VWF: variants seen among roughly 807,000 people sequenced by gnomAD.
VWF encodes Factor VIII related antigen.
Under a neutral mutation model 308.6 loss-of-function variants are expected in VWF, and 176 were observed. That is an observed-to-expected ratio of 0.57 (90% confidence interval 0.50 to 0.65). VWF has a LOEUF of 0.65. VWF is among the 30% of genes least tolerant of loss of function. VWF has a pLI of 0.00. For missense variants in VWF, 3,146 were observed against 3,648.2 expected, an observed-to-expected ratio of 0.86 and a Z score of 3.55; for synonymous variants, 1,385 against 1,443.4, an observed-to-expected ratio of 0.96 and a Z score of 0.92.
At chr12:6,008,296 A>G (rs1158837242) in intron 34 of VWF, among the ~76,000 whole-genome samples, 2 of 152,210 alleles carry the variant, frequency 1.3e-5, no homozygotes, top group Non-Finnish European at 2.9e-5. Context: ...ACTGAATTAA[A>G]CAGCACAATC....
At chr12:6,056,715 G>T in intron 15 of VWF, 142 bp downstream of exon 15, 1 of 713,816 alleles carries the variant, frequency 1.4e-6, no homozygotes, top group Non-Finnish European at 2.0e-6. Context: ...GGGTGCAAAT[G>T]AACCGTCCTC....
intron 16 of VWF, among the ~76,000 whole-genome samples, chr12:6,049,136 C>T (rs142974199): frequency 4.6e-5 from 7 of 152,204 alleles, no homozygotes; most frequent in Non-Finnish European, 1.0e-4. Context: ...CACCTTTTCA[C>T]GACCACCACT....
rs1286252838 is a variant in VWF, at chr12:6,020,491, C to T, written c.3675-748G>A. On this transcript the variant is annotated intron_variant, in intron 27 of 51. Coordinates refer to ENST00000261405, the MANE Select transcript of VWF (RefSeq NM_000552.5). This position sits in a 1 kb window ranked among gnomAD's most constrained non-coding sequence, Gnocchi z 4.3. ...TCTGTGCCCAGCCCCAAGCACACAC[C>T]ACAAGTCTGTAGTAGAGCAGTGGCC... Among the ~76,000 whole-genome samples the T allele has an allele frequency of 2.6e-5, 4 of 152,186 alleles. No homozygotes were observed. Among genetic ancestry groups the T allele is most frequent in the Non-Finnish European group, 5.9e-5 (4 of 68,038 alleles).
In VWF at chr12:5,994,401, G is replaced by C; in HGVS notation, c.6256+14C>G. Reference sequence around the variant, plus strand: ...ATAGCAGGGGGAGAAGAGGAGTTGAGAAAATGTTCTTACCACACAGACCAT... The same window carrying C: ...ATAGCAGGGGGAGAAGAGGAGTTGACAAAATGTTCTTACCACACAGACCAT... On this transcript the variant is annotated intron_variant, in intron 36 of 51. Coordinates refer to ENST00000261405, the MANE Select transcript of VWF (RefSeq NM_000552.5). The C allele has an allele frequency of 6.2e-7, 1 of 1,614,060 alleles. No homozygotes were observed. Among genetic ancestry groups the C allele is most frequent in the Non-Finnish European group, 8.5e-7 (1 of 1,179,906 alleles).
rs1321831100 is a variant in VWF at position 6,103,409 on chromosome 12, T to C, written c.532+6965A>G. Among the ~76,000 whole-genome samples the C allele has an allele frequency of 2.0e-4, 21 of 107,504 alleles. 4 individuals are homozygous for C. The highest frequency in any genetic ancestry group is 1.2e-3 in the African/African-American group (14 of 11,648). 70.5% of individuals were successfully genotyped at this position (107,504 alleles called of 152,430 possible). A position where few individuals can be genotyped will look rare whatever the true frequency, so the allele number is the denominator to read the frequency against. ...ACGTGTGTGTATACACGTGTGTGTATACACACGTGTGTGTATACACACGTG... is the reference window on the plus strand; with the variant it reads ...ACGTGTGTGTATACACGTGTGTGTACACACACGTGTGTGTATACACACGTG... On this transcript the variant is annotated intron_variant, in intron 5 of 51. Transcript: ENST00000261405.
In VWF at chr12:5,952,098, G is replaced by A. The variant is rs568906096; in HGVS notation, c.8116-215C>T. On this transcript the variant is annotated intron_variant, in intron 49 of 51. Coordinates refer to ENST00000261405, the MANE Select transcript of VWF (RefSeq NM_000552.5). ...TGATTCTGAATTCTCTTCCAGTTGA[G>A]TCATCAGGATCTTCATTCCCAGGGA... Among the ~76,000 whole-genome samples the A allele has an allele frequency of 2.0e-5, 3 of 152,290 alleles. No homozygotes were observed. In the East Asian group the frequency reaches 5.8e-4, roughly 29 times the overall value.
At chr12:6,084,134 T>C (rs1701390273) in intron 6 of VWF, among the ~76,000 whole-genome samples, 1 of 152,218 alleles carries the variant, frequency 6.6e-6, no homozygotes, top group African/African-American at 2.4e-5. Flanking sequence ...CAGACAGCAG[T>C]ACTTGGACCT....
chr12:6,092,618 A>AGAGAGAGAGAGAGAGAGT (rs1301391895), intron 6 of VWF, among the ~76,000 whole-genome samples: 1 of 66,150 alleles, frequency 1.5e-5, no homozygotes, highest in Non-Finnish European at 2.9e-5. Context: ...AGTGAGTGAG[A>AGAGAGAGAGAGAGAGAGT]GTGTGTGTGT....
intron 6 of VWF, among the ~76,000 whole-genome samples, chr12:6,090,506 G>GCTTGTC (rs1256937193): frequency 6.6e-6 from 1 of 152,160 alleles, no homozygotes; most frequent in African/African-American, 2.4e-5. Context: ...CCCGGCGTGT[G>GCTTGTC]CTTGTCCTGC....
intron 47 of VWF, among the ~76,000 whole-genome samples, chr12:5,958,595 G>A (rs1290960778): frequency 6.6e-6 from 1 of 152,114 alleles, no homozygotes; most frequent in African/African-American, 2.4e-5. Flanking sequence ...AGGCTGAGAT[G>A]GGAGGATCAC....
At chr12:6,015,757 A>G (rs1428880479) in intron 31 of VWF, among the ~76,000 whole-genome samples, 1 of 152,244 alleles carries the variant, frequency 6.6e-6, no homozygotes, top group Non-Finnish European at 1.5e-5. Flanking sequence ...CTGGCCTCAG[A>G]CATGACATTT....
At chr12:6,086,679 T>G (rs1384968991) in intron 6 of VWF, among the ~76,000 whole-genome samples, 1 of 152,210 alleles carries the variant, frequency 6.6e-6, no homozygotes, top group African/African-American at 2.4e-5. Context: ...CCAAGTCCGC[T>G]GGGCTTACAT....
chr12:6,109,785 G>C (rs1945285269), intron 5 of VWF, among the ~76,000 whole-genome samples: 1 of 152,172 alleles, frequency 6.6e-6, no homozygotes, highest in African/African-American at 2.4e-5. Flanking sequence ...CAAGTAGCTG[G>C]AACTACAGGC....
intron 5 of VWF, among the ~76,000 whole-genome samples, chr12:6,099,452 T>C (rs41388848): frequency 0.091 from 13,830 of 152,184 alleles, 1,267 homozygotes; most frequent in African/African-American, 0.24. Flanking sequence ...TTGAGATTCC[T>C]ATTTATACTT....
In VWF at chr12:6,044,294, G is replaced by T; in HGVS notation, c.2439C>A (p.Gly813=). ...GCVSGCLCPP[G]MVRHENRCVA... is the part of the protein sequence containing the mutation. ...AGCTCTGTGCCTGGTGACTCACCAT[G>T]CCCGGGGGGCAGAGGCAGCCAGAGA... The change falls in exon 18 of 52, where the codon GGC becomes GGA. Residue 813 remains glycine (G), a synonymous_variant. Transcript: ENST00000261405. 1 of 1,614,070 alleles carries T rather than the reference G, an allele frequency of 6.2e-7. No individual in the cohort carries two copies. Among genetic ancestry groups the T allele is most frequent in the East Asian group, 2.2e-5 (1 of 44,882 alleles).
At chr12:6,092,540 C>CAT (rs1565386511) in intron 6 of VWF, among the ~76,000 whole-genome samples, 30 of 148,502 alleles carry the variant, frequency 2.0e-4, no homozygotes, top group Non-Finnish European at 4.0e-4. Flanking sequence ...TGTGTGCACG[C>CAT]GCGTGTGCCA....
intron 47 of VWF, among the ~76,000 whole-genome samples, chr12:5,954,932 G>GA (rs1413947862): frequency 6.6e-6 from 1 of 152,194 alleles, no homozygotes; most frequent in Non-Finnish European, 1.5e-5. Flanking sequence ...CTAGGGCTAA[G>GA]AAAAATGCTG....
rs1230288603 is a variant in VWF at position 6,103,422 on chromosome 12, GTATACACACGTGTGTA to G, written c.532+6936_532+6951del. On this transcript the variant is annotated intron_variant, in intron 5 of 51. Coordinates refer to ENST00000261405, the MANE Select transcript of VWF (RefSeq NM_000552.5). ...CACGTGTGTGTATACACACGTGTGTGTATACACACGTGTGTATATACATACACATATATGTGTATAT... is the reference window on the plus strand; with the variant it reads ...CACGTGTGTGTATACACACGTGTGTGTATACATACACATATATGTGTATAT... Among the ~76,000 whole-genome samples, 109 of 114,068 alleles carry G rather than the reference GTATACACACGTGTGTA, an allele frequency of 9.6e-4. 5 individuals carry two copies. The highest frequency in any genetic ancestry group is 1.9e-3 in the Admixed American group (23 of 12,270). The allele number at this position is 114,068 out of a possible 152,430, so 74.8% of individuals were successfully genotyped here. A position where few individuals can be genotyped will look rare whatever the true frequency, so the allele number is the denominator to read the frequency against.
chr12:6,087,981 C>G (rs1303251691), intron 6 of VWF, among the ~76,000 whole-genome samples: 4 of 152,140 alleles, frequency 2.6e-5, no homozygotes, highest in Non-Finnish European at 5.9e-5. Context: ...ATGATGGTCA[C>G]AGAGACTGTG....
Sources: allele counts gnomAD v4.1 joint callset (sites outside exome capture counted in the v4.1 genomes callset), GRCh38; gene constraint gnomAD v4.1.1; non-coding constraint Gnocchi (gnomAD v3.1); transcripts MANE v1.5; gene names NCBI Gene and HGNC (gene_info 2026-07-23, HGNC 2026-07-21).